Variants in RPS6KC1 observed in about 807,000 individuals in gnomAD.
RPS6KC1 encodes inactive ribosomal protein S6 kinase delta-1.
In RPS6KC1, 54 loss-of-function variants were observed where a neutral mutation model predicts 103.8. The ratio of observed to expected loss-of-function variants is 0.52; its 90% CI spans 0.42 to 0.65. The LOEUF is 0.65. Among genes scored for constraint, RPS6KC1 ranks in the 30% least tolerant of loss-of-function variants. The pLI is 0.00. For missense variants in RPS6KC1, 1,151 were observed against 1,253.8 expected (o/e 0.92, Z 1.24); for synonymous variants, 439 against 438.7 (o/e 1.00, Z -0.01).
chr1:213,642,661 T>C, the RPS6KC1 span, among the ~76,000 whole-genome samples: 1 of 152,004 alleles, frequency 6.6e-6, no homozygotes, highest in Admixed American at 6.6e-5. Flanking sequence ...TAAATTATTA[T>C]TTGTTAGTGT....
the RPS6KC1 span, among the ~76,000 whole-genome samples, chr1:213,522,409 T>G: frequency 6.6e-6 from 1 of 152,176 alleles, no homozygotes; most frequent in Non-Finnish European, 1.5e-5. Context: ...GGGCCTAGGA[T>G]TTTTAGAATG....
At chr1:213,815,855 A>G in the RPS6KC1 span, among the ~76,000 whole-genome samples, 11 of 152,340 alleles carry the variant, frequency 7.2e-5, no homozygotes, top group Non-Finnish European at 1.3e-4. Flanking sequence ...AGCCCATCTC[A>G]GCTTTCCACA....
the RPS6KC1 span, among the ~76,000 whole-genome samples, chr1:213,372,400 C>T: frequency 6.6e-6 from 1 of 152,218 alleles, no homozygotes; most frequent in African/African-American, 2.4e-5. Context: ...CCTTTGTCAA[C>T]AGGCCCTTTG....
chr1:213,608,602 C>T, the RPS6KC1 span, among the ~76,000 whole-genome samples: 1 of 151,812 alleles, frequency 6.6e-6, no homozygotes, highest in Non-Finnish European at 1.5e-5. Context: ...TAAGCAAGTT[C>T]CTGATTATAA....
the RPS6KC1 span, among the ~76,000 whole-genome samples, chr1:213,588,332 T>G: frequency 1.3e-5 from 2 of 151,246 alleles, no homozygotes; most frequent in Non-Finnish European, 3.0e-5. Context: ...TCTCACTTGT[T>G]GCCCAGGCTG....
chr1:213,747,242 C>G, the RPS6KC1 span, among the ~76,000 whole-genome samples: 1 of 152,096 alleles, frequency 6.6e-6, no homozygotes, highest in Admixed American at 6.6e-5. Flanking sequence ...AAACATATCA[C>G]AGTCAACTGG....
Position 213,129,831 on chromosome 1 carries a change from T to C in RPS6KC1, c.777T>C (p.Tyr259=). The change falls in exon 6 of 15, where the codon TAT becomes TAC. Residue 259 remains tyrosine, a synonymous_variant. Coordinates refer to ENST00000366960, the MANE Select transcript of RPS6KC1 (RefSeq NM_012424.6). ...TAAAAAAGGAAGAAGAAGACGACTA[T>C]GAAGCTGCTTCTGATTTTTATAGGA... The part of the protein sequence containing the change: ...LALKKEEEDD[Y]EAASDFYRKG... 1 of 1,611,630 alleles carries C rather than the reference T, an allele frequency of 6.2e-7. No individual in the cohort carries two copies. Among genetic ancestry groups the C allele is most frequent in the East Asian group, 2.2e-5 (1 of 44,872 alleles).
At chr1:213,137,719 G>T (rs897944785) in intron 6 of RPS6KC1, among the ~76,000 whole-genome samples, 3 of 119,048 alleles carry the variant, frequency 2.5e-5, no homozygotes, top group Admixed American at 9.4e-5. Flanking sequence ...TTGTTCGTTT[G>T]TTTTTTCCTG....
At chr1:213,452,923 T>G in the RPS6KC1 span, among the ~76,000 whole-genome samples, 2 of 152,260 alleles carry the variant, frequency 1.3e-5, no homozygotes, top group Non-Finnish European at 2.9e-5. Context: ...GGTTCCGCTT[T>G]GCTTGGGTGA....
At chr1:213,825,610 C>G in the RPS6KC1 span, among the ~76,000 whole-genome samples, 1 of 152,118 alleles carries the variant, frequency 6.6e-6, no homozygotes, top group African/African-American at 2.4e-5. Context: ...GACTGCCCCT[C>G]CACATGGATC....
At chr1:213,343,863 A>G in the RPS6KC1 span, among the ~76,000 whole-genome samples, 3 of 152,168 alleles carry the variant, frequency 2.0e-5, no homozygotes, top group Admixed American at 1.3e-4. Flanking sequence ...TGAAAGAAAA[A>G]TAATCAGATT....
the RPS6KC1 span, among the ~76,000 whole-genome samples, chr1:213,760,513 A>G: frequency 6.6e-6 from 1 of 152,214 alleles, no homozygotes; most frequent in African/African-American, 2.4e-5. Context: ...ATCTCAGCTC[A>G]GGCAAGCTTT....
chr1:213,250,940 A>T (rs1233058172), intron 12 of RPS6KC1, among the ~76,000 whole-genome samples: 1 of 152,116 alleles, frequency 6.6e-6, no homozygotes, highest in Non-Finnish European at 1.5e-5. Context: ...TTTGTAATTG[A>T]TACAAATGAT....
chr1:213,284,788 A>C, the RPS6KC1 span, among the ~76,000 whole-genome samples: 1 of 152,190 alleles, frequency 6.6e-6, no homozygotes, highest in Non-Finnish European at 1.5e-5. Context: ...TGTTTACAGT[A>C]TGACTAATAC....
At chr1:213,285,102 T>A in the RPS6KC1 span, among the ~76,000 whole-genome samples, 1 of 152,216 alleles carries the variant, frequency 6.6e-6, no homozygotes, top group African/African-American at 2.4e-5. Flanking sequence ...AAAAATTTAT[T>A]TCTCACAGTT....
chr1:213,226,096 G>C (rs944133204), intron 8 of RPS6KC1, among the ~76,000 whole-genome samples: 1 of 152,024 alleles, frequency 6.6e-6, no homozygotes, highest in Non-Finnish European at 1.5e-5. Flanking sequence ...GGTGGCGGGC[G>C]CCTGTAGTCC....
chr1:213,308,679 G>T, the RPS6KC1 span, among the ~76,000 whole-genome samples: 1 of 152,076 alleles, frequency 6.6e-6, no homozygotes, highest in Non-Finnish European at 1.5e-5. Context: ...ACTTGCACAT[G>T]GAAGGAAAAG....
chr1:213,602,058 CTT>C, the RPS6KC1 span, among the ~76,000 whole-genome samples: 1 of 45,862 alleles, frequency 2.2e-5, no homozygotes, highest in African/African-American at 1.2e-4. Flanking sequence ...CTTTCTTTCT[CTT>C]TCTTTCTTTC....
At chr1:213,519,414 C>T in the RPS6KC1 span, among the ~76,000 whole-genome samples, 1 of 152,110 alleles carries the variant, frequency 6.6e-6, no homozygotes, top group Non-Finnish European at 1.5e-5. Flanking sequence ...AGAGGTTTTT[C>T]AGATTCACTG....
Sources: allele counts gnomAD v4.1 joint callset (sites outside exome capture counted in the v4.1 genomes callset), GRCh38; gene constraint gnomAD v4.1.1; transcripts MANE v1.5; gene names NCBI Gene and HGNC (gene_info 2026-07-23, HGNC 2026-07-21).